ZBTB20: variants seen among roughly 807,000 people sequenced by gnomAD.
ZBTB20 encodes the protein zinc finger and BTB domain containing 20.
Under a neutral mutation model 56.9 loss-of-function variants are expected in ZBTB20, and 9 were observed. The ratio of observed to expected loss-of-function variants is 0.16; its 90% CI spans 0.10 to 0.28. The LOEUF is 0.28. Ranked by LOEUF, ZBTB20 falls within the 10% of genes least tolerant of loss-of-function variation. The pLI, the probability that ZBTB20 is intolerant of heterozygous loss-of-function variation, is 1.00. For missense variants in ZBTB20, 655 were observed against 1,003.0 expected (o/e 0.65, Z 4.69); for synonymous variants, 417 against 420.7 (o/e 0.99, Z 0.11).
intron 5 of ZBTB20, among the ~76,000 whole-genome samples, chr3:114,766,531 A>G (rs981830530): frequency 2.2e-4 from 20 of 89,432 alleles, no homozygotes; most frequent in South Asian, 1.6e-3. Flanking sequence ...GTGTGTGTGT[A>G]TAAGCTAAGC....
chr3:114,879,103 A>G (rs546843987), intron 4 of ZBTB20, among the ~76,000 whole-genome samples: 45 of 152,312 alleles, frequency 3.0e-4, no homozygotes, highest in African/African-American at 1.1e-3. Context: ...GCATCTGATA[A>G]TGCAAATTTA....
chr3:114,698,530 T>C (rs1298121530), intron 5 of ZBTB20, among the ~76,000 whole-genome samples: 3 of 152,106 alleles, frequency 2.0e-5, no homozygotes, highest in Non-Finnish European at 4.4e-5. Flanking sequence ...TTGTTTCTGC[T>C]GCTAGGTACA....
At chr3:114,487,907 T>C (rs1217009203) in intron 7 of ZBTB20, among the ~76,000 whole-genome samples, 2 of 152,172 alleles carry the variant, frequency 1.3e-5, no homozygotes, top group Non-Finnish European at 2.9e-5. Flanking sequence ...GAAATCTCTA[T>C]CTACATCTGG....
At chr3:115,085,185 C>T (rs140295340) in intron 1 of ZBTB20, among the ~76,000 whole-genome samples, 1 of 151,852 alleles carries the variant, frequency 6.6e-6, no homozygotes, top group African/African-American at 2.4e-5. Context: ...ATAAATGAAA[C>T]CCGTTATTGT....
chr3:114,347,795 T>C (rs2080320321), intron 11 of ZBTB20, among the ~76,000 whole-genome samples: 1 of 152,232 alleles, frequency 6.6e-6, no homozygotes, highest in South Asian at 2.1e-4. Flanking sequence ...ATTAGGTGCC[T>C]GATTGATATA....
intron 6 of ZBTB20, among the ~76,000 whole-genome samples, chr3:114,690,225 A>AC (rs2062617996): frequency 6.6e-6 from 1 of 151,960 alleles, no homozygotes; most frequent in South Asian, 2.1e-4. Context: ...TGGTGGGGAA[A>AC]CTTTTTTTTC....
intron 5 of ZBTB20, among the ~76,000 whole-genome samples, chr3:114,742,546 T>C (rs149660900): frequency 6.6e-6 from 1 of 152,290 alleles, no homozygotes; most frequent in East Asian, 1.9e-4. Flanking sequence ...TTAATTTTCA[T>C]AGATCTCCTA....
chr3:114,792,324 T>G (rs914084124), intron 5 of ZBTB20: 1 of 152,154 alleles, frequency 6.6e-6, no homozygotes. Flanking sequence ...AGCAACATAT[T>G]GCAAAGAGTA....
At position 114,775,948 on chromosome 3, in the gene ZBTB20, C is replaced by A. The variant is rs12492365; in HGVS notation, c.-343+25153G>T. The stretch of plus-strand genomic sequence containing the variant: ...ATGTAAAATCTACAAATCTGCAGAC[C>A]ATTGATCATGGACCTAGTTTTCTTC... On this transcript the variant is annotated intron_variant, in intron 5 of 11. Transcript: ENST00000675478. 3.7e-3 allele frequency among the ~76,000 whole-genome samples: 556 copies of A among 152,062 alleles called. 12 individuals are homozygous for A. Among genetic ancestry groups the A allele is most frequent in the Admixed American group, 0.031 (479 of 15,268 alleles).
intron 5 of ZBTB20, among the ~76,000 whole-genome samples, chr3:114,752,794 T>C (rs1190655047): frequency 6.6e-6 from 1 of 152,176 alleles, no homozygotes; most frequent in South Asian, 2.1e-4. Flanking sequence ...GGCCACATAC[T>C]ATTGTTAATT....
At chr3:114,391,595 T>C (rs2085879434) in intron 7 of ZBTB20, among the ~76,000 whole-genome samples, 1 of 152,256 alleles carries the variant, frequency 6.6e-6, no homozygotes. Context: ...CTTTGAAAGC[T>C]GAGACAATTT....
chr3:114,729,990 G>C (rs150966220), intron 5 of ZBTB20, among the ~76,000 whole-genome samples: 1,479 of 146,884 alleles, frequency 0.01, 20 homozygotes, highest in African/African-American at 0.034. Flanking sequence ...TATAGACAGG[G>C]TTTTGCTTGG....
chr3:114,374,113 G>A (rs994175593), intron 10 of ZBTB20, among the ~76,000 whole-genome samples: 1 of 152,038 alleles, frequency 6.6e-6, no homozygotes, highest in African/African-American at 2.4e-5. Context: ...AAAAGGTAAC[G>A]AAAAAATTCC....
intron 6 of ZBTB20, among the ~76,000 whole-genome samples, chr3:114,601,854 G>A (rs532975094): frequency 6.6e-6 from 1 of 152,100 alleles, no homozygotes; most frequent in African/African-American, 2.4e-5. Flanking sequence ...ATAAAACTGA[G>A]AAGGTAAATT....
At chr3:115,145,370 C>A (rs1345325137) in intron 1 of ZBTB20, among the ~76,000 whole-genome samples, 1 of 152,176 alleles carries the variant, frequency 6.6e-6, no homozygotes, top group African/African-American at 2.4e-5. Context: ...GAGATTGGTT[C>A]TGGGACCTCT....
Position 114,810,808 on chromosome 3 carries a change from G to A in ZBTB20, c.-416-9634C>T, listed in dbSNP as rs993534166. Among the ~76,000 whole-genome samples the A allele has an allele frequency of 2.6e-5, 4 of 151,942 alleles. No individual in the cohort carries two copies. In the East Asian group the frequency reaches 5.8e-4, roughly 22 times the overall value. ...CAGGTATCCATGCATGTGGGGTGGC[G>A]GGGGGGAAGTCTAACTGCCATTGAA... On this transcript the variant is annotated intron_variant, in intron 4 of 11. Transcript: ENST00000675478.
At chr3:115,068,672 T>C (rs2082295376) in intron 2 of ZBTB20, among the ~76,000 whole-genome samples, 2 of 152,068 alleles carry the variant, frequency 1.3e-5, no homozygotes, top group Non-Finnish European at 2.9e-5. Context: ...TAGACCTAAT[T>C]TCCATTATAG....
intron 7 of ZBTB20, among the ~76,000 whole-genome samples, chr3:114,479,518 G>A (rs924940450): frequency 9.2e-5 from 14 of 152,300 alleles, no homozygotes; most frequent in African/African-American, 3.1e-4. Flanking sequence ...TATGTACACC[G>A]TTAGAAGTAT....
At chr3:115,065,752 G>A (rs1451277288) in intron 2 of ZBTB20, among the ~76,000 whole-genome samples, 1 of 152,118 alleles carries the variant, frequency 6.6e-6, no homozygotes, top group Non-Finnish European at 1.5e-5. Context: ...TGAGAAAATG[G>A]AAACCCAAAG....
Sources: gnomAD v4.1 joint callset for allele counts (sites outside exome capture counted in the v4.1 genomes callset) on GRCh38, gnomAD v4.1.1 for gene constraint, MANE v1.5 for transcripts, NCBI Gene and HGNC (gene_info 2026-07-23, HGNC 2026-07-21) for gene names.